Variants in ZNF850 observed in about 807,000 individuals in gnomAD.
ZNF850 encodes the protein zinc finger protein 850.
Under a neutral mutation model 11.9 loss-of-function variants are expected in ZNF850, and 2 were observed. The observed-to-expected ratio is 0.17, with a 90% CI of 0.07 to 0.53. The LOEUF (loss-of-function observed/expected upper bound fraction) is 0.53, where lower values mean the gene tolerates loss of function less well. Ranked by LOEUF, ZNF850 falls within the 20% of genes least tolerant of loss-of-function variation. ZNF850 has a pLI of 0.94. For missense variants in ZNF850, 1,014 were observed against 1,316.4 expected (o/e 0.77, Z 3.55); for synonymous variants, 381 against 443.0 (o/e 0.86, Z 1.76).
At chr19:36,770,047 T>C (rs1186044733) in intron 1 of ZNF850, among the ~76,000 whole-genome samples, 1 of 152,116 alleles carries the variant, frequency 6.6e-6, no homozygotes, top group Non-Finnish European at 1.5e-5. Flanking sequence ...GGGAAACACA[T>C]TTACTGGCTG....
rs1354580861 is a variant in ZNF850 at position 36,747,857 on chromosome 19, G to T, written c.3183C>A (p.Gly1061=). 1.9e-6 allele frequency: 3 copies of T among 1,581,088 alleles called. No homozygotes were observed. Among genetic ancestry groups the T allele is most frequent in the Admixed American group, 3.6e-5 (2 of 55,274 alleles). ...ATGTCTTACATTCATAGGGTTTCTCGCCAGTGTGAACACTCTGATGTCGGC... is the reference window on the plus strand; with the variant it reads ...ATGTCTTACATTCATAGGGTTTCTCTCCAGTGTGAACACTCTGATGTCGGC... ...GLSRHQSVHT[G]EKPYECKTCG... Residue 1061 remains glycine, a synonymous_variant, in exon 5 of 5, where the codon GGC becomes GGA. Coordinates refer to ENST00000591344, the MANE Select transcript of ZNF850 (RefSeq NM_001193552.2).
At chr19:36,754,418 A>C (rs1038457378) in intron 4 of ZNF850, among the ~76,000 whole-genome samples, 5 of 152,182 alleles carry the variant, frequency 3.3e-5, no homozygotes, top group African/African-American at 1.2e-4. Context: ...TTACTACATA[A>C]TAAAACGTTC....
intron 4 of ZNF850, among the ~76,000 whole-genome samples, chr19:36,760,859 T>G (rs964892728): frequency 6.6e-6 from 1 of 151,638 alleles, no homozygotes; most frequent in African/African-American, 2.4e-5. Context: ...AGTAAGACTC[T>G]GTTTCAAAAA....
chr19:36,749,400 C>A lies in ZNF850; in HGVS notation c.1640G>T (p.Gly547Val), dbSNP rs1285808738. The change falls in exon 5 of 5, where the codon GGG (glycine) becomes GTG (valine). Residue 547 changes from glycine to valine, a missense_variant. Coordinates refer to ENST00000591344, the MANE Select transcript of ZNF850 (RefSeq NM_001193552.2). ...GTGAACTGCCTGATGTCCAATTAGC[C>A]CTGAGCGAAAAGTAAAAGATTTTCC... ...ECGKSFTFRS[G>V]LIGHQAVHTG... The A allele has an allele frequency of 6.5e-7, 1 of 1,541,064 alleles. No individual in the cohort carries two copies. The highest frequency in any genetic ancestry group is 8.7e-7 in the Non-Finnish European group (1 of 1,149,792).
chr19:36,744,985 G>A lies in ZNF850; in HGVS notation c.*2782C>T, dbSNP rs1227916. On this transcript the variant is annotated 3_prime_UTR_variant, in exon 5 of 5. Coordinates refer to ENST00000591344, the MANE Select transcript of ZNF850 (RefSeq NM_001193552.2). The stretch of plus-strand genomic sequence containing the variant: ...ATACAAAAAATTAGCCAGGCGTGGT[G>A]GCGGGCACCTGTAGTCACAGCTACT... The A allele has an allele frequency of 0.45, 68,746 of 151,948 alleles. 16,217 individuals carry two copies. Among genetic ancestry groups the A allele is most frequent in the African/African-American group, 0.58 (23,827 of 41,392 alleles). The allele number at this position is 151,948 out of a possible 1,614,324, so 9.4% of individuals were successfully genotyped here. A position where few individuals can be genotyped will look rare whatever the true frequency, so the allele number is the denominator to read the frequency against.
chr19:36,750,840 C>T, intron 4 of ZNF850, 36 bp from the exon 5 acceptor site: 1 of 1,458,230 alleles, frequency 6.9e-7, no homozygotes, highest in Non-Finnish European at 9.0e-7. Flanking sequence ...CATAGCATTT[C>T]CTTGTTGAGT....
At chr19:36,756,056 C>T (rs1236642828) in intron 4 of ZNF850, among the ~76,000 whole-genome samples, 1 of 151,950 alleles carries the variant, frequency 6.6e-6, no homozygotes, top group East Asian at 1.9e-4. Context: ...CAGGCGCCCG[C>T]CATGACACCC....
At position 36,764,725 on chromosome 19, in the gene ZNF850, CTTT is replaced by C. The variant is rs35367899; in HGVS notation, c.-69-2053_-69-2051del. On this transcript the variant is annotated intron_variant, in intron 1 of 4. Transcript: ENST00000591344. ...TGTGATTTTCTTTTCTTTCCTTTCC[CTTT>C]TTTTTTTTTTTTTTTTTTGAAGCAG... Among the ~76,000 whole-genome samples, 868 of 126,768 alleles carry C rather than the reference CTTT, an allele frequency of 6.8e-3. 4 individuals are homozygous for C. The highest frequency in any genetic ancestry group is 0.023 in the African/African-American group (735 of 32,328). The allele number at this position is 126,768 out of a possible 152,430, so 83.2% of individuals were successfully genotyped here. A position where few individuals can be genotyped will look rare whatever the true frequency, so the allele number is the denominator to read the frequency against.
chr19:36,748,147 G>A lies in ZNF850; in HGVS notation c.2893C>T (p.Arg965Cys), dbSNP rs2040424641. The A allele has an allele frequency of 6.4e-6, 10 of 1,550,616 alleles. No homozygotes were observed. Among genetic ancestry groups the A allele is most frequent in the South Asian group, 1.2e-5 (1 of 84,570 alleles). Residue 965 changes from arginine (R) to cysteine (C), a missense_variant, in exon 5 of 5, where the codon CGT becomes TGT. Arg to Cys is a radical substitution (Grantham distance 180). This residue lies in a region of ZNF850 where 179 missense variants were observed against 294.4 expected (regional missense o/e 0.61). Coordinates refer to ENST00000591344, the MANE Select transcript of ZNF850 (RefSeq NM_001193552.2). ...CTCTGATGTAGAGTAAGGTGTGTAC[G>A]CTGTCTGAAGGACTTCCCACATGTC... is the stretch of plus-strand genomic sequence containing the variant. Reference protein sequence around the residue: ...CKTCGKSFRQRTHLTLHQRIH... With the variant: ...CKTCGKSFRQCTHLTLHQRIH...
chr19:36,766,030 A>G lies in ZNF850; in HGVS notation c.-69-3355T>C, dbSNP rs2040547336. ...CAGCCATCAAAGTAGCTAGGAATAC[A>G]GGCACACACCACCACACCTGGCTAT... On this transcript the variant is annotated intron_variant, in intron 1 of 4. Coordinates refer to ENST00000591344, the MANE Select transcript of ZNF850 (RefSeq NM_001193552.2). Among the ~76,000 whole-genome samples, 5 of 151,968 alleles carry G rather than the reference A, an allele frequency of 3.3e-5. No homozygotes were observed. The South Asian group carries it at 1.0e-3, about 32-fold the overall frequency.
chr19:36,771,380 C>T (rs2040581777), intron 1 of ZNF850, among the ~76,000 whole-genome samples: 1 of 152,042 alleles, frequency 6.6e-6, no homozygotes, highest in Non-Finnish European at 1.5e-5. Context: ...AAAGTTTGGC[C>T]CAGGACCAAT....
At chr19:36,761,439 AAAAT>A (rs573070040) in intron 4 of ZNF850, among the ~76,000 whole-genome samples, 200 bp downstream of exon 4, 1 of 151,962 alleles carries the variant, frequency 6.6e-6, no homozygotes, top group African/African-American at 2.4e-5. Flanking sequence ...ACTCCATCTC[AAAAT>A]AAATAAATAA....
At position 36,745,108 on chromosome 19, in the gene ZNF850, G is replaced by C. The variant is rs892831727; in HGVS notation, c.*2659C>G. 1 of 151,638 alleles carries C rather than the reference G, an allele frequency of 6.6e-6. No homozygotes were observed. The highest frequency in any genetic ancestry group is 2.4e-5 in the African/African-American group (1 of 41,244). 9.4% of individuals were successfully genotyped at this position (151,638 alleles called of 1,614,324 possible). A position where few individuals can be genotyped will look rare whatever the true frequency, so the allele number is the denominator to read the frequency against. ...CACTCCAGCCTGGGCGACAGAACGA[G>C]ACTGTCTCAAAAAAAATCAATTGAG... On this transcript the variant is annotated 3_prime_UTR_variant, in exon 5 of 5. Transcript: ENST00000591344.
At chr19:36,758,579 G>A (rs12972187) in intron 4 of ZNF850, among the ~76,000 whole-genome samples, 13,854 of 151,916 alleles carry the variant, frequency 0.091, 682 homozygotes, top group African/African-American at 0.14. Flanking sequence ...AGGGGATTTC[G>A]CCACATTTGC....
chr19:36,755,371 C>T (rs1268147629), intron 4 of ZNF850, among the ~76,000 whole-genome samples: 1 of 152,088 alleles, frequency 6.6e-6, no homozygotes, highest in African/African-American at 2.4e-5. Context: ...GGATTACAGG[C>T]ATGCAACACC....
chr19:36,765,175 T>C (rs529457329), intron 1 of ZNF850, among the ~76,000 whole-genome samples: 1 of 152,320 alleles, frequency 6.6e-6, no homozygotes, highest in South Asian at 2.1e-4. Flanking sequence ...TCCCAACAGA[T>C]GCACAATCAT....
intron 4 of ZNF850, among the ~76,000 whole-genome samples, chr19:36,754,703 C>A (rs1369679169): frequency 1.3e-5 from 2 of 151,924 alleles, no homozygotes; most frequent in Admixed American, 6.6e-5. Context: ...TTACAGGCGC[C>A]TGCCACCACG....
At chr19:36,761,381 A>G (rs936745053) in intron 4 of ZNF850, among the ~76,000 whole-genome samples, 2 of 151,642 alleles carry the variant, frequency 1.3e-5, no homozygotes, top group Admixed American at 1.3e-4. Context: ...GGAGGTTGCA[A>G]TGAGCCGAGA....
chr19:36,757,895 C>T (rs1164925199), intron 4 of ZNF850, among the ~76,000 whole-genome samples: 1 of 152,070 alleles, frequency 6.6e-6, no homozygotes, highest in Non-Finnish European at 1.5e-5. Context: ...AATCACAGCT[C>T]ACTGCAGCCT....
Sources: gnomAD v4.1 joint callset for allele counts (sites outside exome capture counted in the v4.1 genomes callset) on GRCh38, gnomAD v4.1.1 for gene constraint, gnomAD v4.1.1 regional missense constraint, MANE v1.5 for transcripts, NCBI Gene and HGNC (gene_info 2026-07-23, HGNC 2026-07-21) for gene names.